IFT88: variants seen among roughly 807,000 people sequenced by gnomAD.
IFT88 encodes intraflagellar transport protein 88 homolog.
Under a neutral mutation model 119.5 loss-of-function variants are expected in IFT88, and 74 were observed. The ratio of observed to expected loss-of-function variants is 0.62; its 90% CI spans 0.51 to 0.75. IFT88 has a LOEUF of 0.75. Among genes scored for constraint, IFT88 ranks in the 30% least tolerant of loss-of-function variants. The pLI, the probability that IFT88 is intolerant of heterozygous loss-of-function variation, is 0.00. For missense variants in IFT88, 961 were observed against 977.7 expected (o/e 0.98, Z 0.23); for synonymous variants, 279 against 316.7 (o/e 0.88, Z 1.26).
chr13:20,632,711 C>A lies in IFT88; in HGVS notation c.1386+1609C>A, dbSNP rs117648509. Among the ~76,000 whole-genome samples, 123 of 152,314 alleles carry A rather than the reference C, an allele frequency of 8.1e-4. 1 individual carries two copies. Among genetic ancestry groups the A allele is most frequent in the Non-Finnish European group, 1.4e-3 (93 of 68,032 alleles). On this transcript the variant is annotated intron_variant, in intron 16 of 25. Transcript: ENST00000351808. Reference sequence around the variant, plus strand: ...TAGAATATTTTGTTTGTACTTACAGCATTGTATTTTAATGGTTTATATGTG... The same window carrying A: ...TAGAATATTTTGTTTGTACTTACAGAATTGTATTTTAATGGTTTATATGTG...
chr13:20,568,123 C>G (rs1284660354), intron 1 of IFT88: 3 of 647,562 alleles, frequency 4.6e-6, no homozygotes, highest in African/African-American at 1.8e-5. Context: ...GTTGGAAAAG[C>G]TTGAAGTAGA....
At chr13:20,591,733 A>T (rs767424111) in intron 6 of IFT88, 52 bp downstream of exon 6, 1 of 1,193,066 alleles carries the variant, frequency 8.4e-7, no homozygotes, top group Non-Finnish European at 1.2e-6. Flanking sequence ...TTAATCTTTT[A>T]TCATTTTGTG....
intron 16 of IFT88, among the ~76,000 whole-genome samples, chr13:20,635,141 A>G (rs1302691481): frequency 4.6e-5 from 7 of 152,096 alleles, no homozygotes; most frequent in East Asian, 1.9e-4. Flanking sequence ...ATCATTTTTT[A>G]TGGCTGCATA....
chr13:20,615,768 C>A (rs539216209), intron 13 of IFT88, 25 bp from the exon 14 acceptor site: 63 of 1,395,052 alleles, frequency 4.5e-5, no homozygotes, highest in Non-Finnish European at 6.1e-5. Flanking sequence ...TCTCTAAATA[C>A]AACTTTTTGG....
intron 24 of IFT88, among the ~76,000 whole-genome samples, chr13:20,682,477 T>A (rs9552259): frequency 0.27 from 40,495 of 152,092 alleles, 6,583 homozygotes; most frequent in East Asian, 0.7. Flanking sequence ...TAGAGCAGGT[T>A]GTATCCAATT....
At chr13:20,681,725 A>T (rs1353875816) in intron 24 of IFT88, among the ~76,000 whole-genome samples, 2 of 152,234 alleles carry the variant, frequency 1.3e-5, no homozygotes, top group Admixed American at 6.5e-5. Flanking sequence ...GTGGAATTGT[A>T]GCTGAGCATT....
intron 2 of IFT88, among the ~76,000 whole-genome samples, chr13:20,580,162 A>G (rs1465906454): frequency 1.3e-5 from 2 of 152,166 alleles, no homozygotes; most frequent in Admixed American, 6.5e-5. Context: ...GTGTCTCATG[A>G]TACTAAATAT....
In IFT88 at chr13:20,638,427, T is replaced by C; in HGVS notation, c.1482T>C (p.Val494=). 6.5e-7 allele frequency: 1 copy of C among 1,530,890 alleles called. No individual in the cohort carries two copies. Among genetic ancestry groups the C allele is most frequent in the Admixed American group, 2.1e-5 (1 of 46,692 alleles). 94.8% of individuals were successfully genotyped at this position (1,530,890 alleles called of 1,614,324 possible). A position where few individuals can be genotyped will look rare whatever the true frequency, so the allele number is the denominator to read the frequency against. Residue 494 remains valine (V), a synonymous_variant, in exon 17 of 26, where the codon GTT becomes GTC. Transcript: ENST00000351808. ...PAALTNKGNT[V]FANGDYEKAA... ...CTCTTACTAATAAAGGGAATACAGTTTTTGCAAATGGTGATTATGAGAAGG... is the reference window on the plus strand; with the variant it reads ...CTCTTACTAATAAAGGGAATACAGTCTTTGCAAATGGTGATTATGAGAAGG...
chr13:20,570,828 G>T (rs1239664420), intron 1 of IFT88, among the ~76,000 whole-genome samples: 3 of 152,064 alleles, frequency 2.0e-5, no homozygotes, highest in Admixed American at 6.5e-5. Context: ...ACTGCACCTT[G>T]AAAAGTTAAA....
chr13:20,569,429 C>T (rs1013900965), intron 1 of IFT88, among the ~76,000 whole-genome samples: 5 of 150,698 alleles, frequency 3.3e-5, no homozygotes, highest in African/African-American at 4.9e-5. Flanking sequence ...AAAAATTAGC[C>T]GGGCGTGGTG....
At chr13:20,652,323 A>T (rs1282674669) in intron 20 of IFT88, among the ~76,000 whole-genome samples, 1 of 152,228 alleles carries the variant, frequency 6.6e-6, no homozygotes, top group Non-Finnish European at 1.5e-5. Context: ...AGACTATCTC[A>T]GTAATTCAGC....
chr13:20,676,098 A>G (rs1001283333), intron 24 of IFT88, among the ~76,000 whole-genome samples: 4 of 152,188 alleles, frequency 2.6e-5, no homozygotes, highest in Non-Finnish European at 5.9e-5. Context: ...CTAAGTCAAC[A>G]CACATCACAG....
chr13:20,587,268 T>C (rs2039849350), intron 3 of IFT88, among the ~76,000 whole-genome samples: 1 of 152,104 alleles, frequency 6.6e-6, no homozygotes, highest in African/African-American at 2.4e-5. Flanking sequence ...TTTTTTTTCT[T>C]TCTTTCTGAG....
chr13:20,590,916 T>A (rs770712511), intron 4 of IFT88, 51 bp from the exon 5 acceptor site: 1 of 1,312,518 alleles, frequency 7.6e-7, no homozygotes, highest in African/African-American at 1.5e-5. Flanking sequence ...TTTAAACATT[T>A]AAGGCAGATA....
chr13:20,589,366 G>C (rs1046047837), intron 3 of IFT88, among the ~76,000 whole-genome samples: 3 of 151,988 alleles, frequency 2.0e-5, no homozygotes, highest in Non-Finnish European at 4.4e-5. Flanking sequence ...CGTATACTTT[G>C]TATTCTTATT....
intron 1 of IFT88, among the ~76,000 whole-genome samples, chr13:20,571,017 A>G (rs1317201334): frequency 6.6e-6 from 1 of 152,076 alleles, no homozygotes; most frequent in Non-Finnish European, 1.5e-5. Context: ...TTTTTGAGAC[A>G]GAGTCTGGCT....
rs983208852 is a variant in IFT88 at position 20,568,807 on chromosome 13, G to A, written c.-7+1551G>A. Among the ~76,000 whole-genome samples, 340 of 151,870 alleles carry A rather than the reference G, an allele frequency of 2.2e-3. 1 individual carries two copies. The highest frequency in any genetic ancestry group is 1.7e-3 in the Non-Finnish European group (114 of 67,994). The stretch of plus-strand genomic sequence containing the variant: ...GCAATCTCGGTTTACTGCAAGCTCC[G>A]CCTCCCGGGTTCATGCCATTCTCCT... On this transcript the variant is annotated intron_variant, in intron 1 of 25. Coordinates refer to ENST00000351808, the MANE Select transcript of IFT88 (RefSeq NM_006531.5).
In IFT88 at chr13:20,610,564, A is replaced by G. The variant is rs528586296; in HGVS notation, c.1113-5229A>G. ...GAATTCAACCTCCAGGTTTAATGAAATCTCTGATGTTACTGGAAAAAAAAA... is the reference window on the plus strand; with the variant it reads ...GAATTCAACCTCCAGGTTTAATGAAGTCTCTGATGTTACTGGAAAAAAAAA... On this transcript the variant is annotated intron_variant, in intron 13 of 25. Transcript: ENST00000351808. Among the ~76,000 whole-genome samples the G allele has an allele frequency of 2.0e-5, 3 of 151,950 alleles. No individual in the cohort carries two copies. The East Asian group carries it at 5.8e-4, about 30-fold the overall frequency.
At chr13:20,608,488 C>CAA (rs1311517558) in intron 13 of IFT88, among the ~76,000 whole-genome samples, 1 of 152,178 alleles carries the variant, frequency 6.6e-6, no homozygotes, top group East Asian at 1.9e-4. Context: ...CGGTGTATCT[C>CAA]AAAACACTTG....
Sources: gnomAD v4.1 joint callset for allele counts (sites outside exome capture counted in the v4.1 genomes callset) on GRCh38, gnomAD v4.1.1 for gene constraint, MANE v1.5 for transcripts, NCBI Gene and HGNC (gene_info 2026-07-23, HGNC 2026-07-21) for gene names.